AKT1: variants seen among roughly 807,000 people sequenced by gnomAD.
The protein encoded by AKT1 is AKT serine/threonine kinase 1, also known as RAC-alpha serine/threonine-protein kinase.
Under a neutral mutation model 63.1 loss-of-function variants are expected in AKT1, and 21 were observed. The observed-to-expected ratio is 0.33, with a 90% CI of 0.24 to 0.48. The LOEUF is 0.48. Ranked by LOEUF, AKT1 falls within the 20% of genes least tolerant of loss-of-function variation. AKT1 has a pLI of 0.99. For synonymous variants in AKT1, 257 were observed against 253.1 expected (o/e 1.02, Z -0.15); for missense variants, 382 against 666.0 (o/e 0.57, Z 4.69).
At chr14:104,791,944 G>A (rs1051562107) in intron 3 of AKT1, among the ~76,000 whole-genome samples, 4 of 152,352 alleles carry the variant, frequency 2.6e-5, no homozygotes, top group South Asian at 2.1e-4. Context: ...GCTGAGCAAC[G>A]GAGGGTGGGT....
chr14:104,785,850 C>T (rs1213729463), intron 3 of AKT1, among the ~76,000 whole-genome samples: 1 of 152,104 alleles, frequency 6.6e-6, no homozygotes, highest in Non-Finnish European at 1.5e-5. Flanking sequence ...CAGCCGGAGG[C>T]GCTGGGGCCT....
chr14:104,770,689 C>CCT, intron 14 of AKT1, 56 bp downstream of exon 14: 2 of 1,464,608 alleles, frequency 1.4e-6, no homozygotes, highest in Non-Finnish European at 1.9e-6. Context: ...ACACTGCAGG[C>CCT]CTCTCTGAGT....
At chr14:104,792,211 G>A (rs555084457) in intron 3 of AKT1, among the ~76,000 whole-genome samples, 1 of 152,324 alleles carries the variant, frequency 6.6e-6, no homozygotes, top group South Asian at 2.1e-4. Flanking sequence ...ACCAGGCCAA[G>A]CCAAGCAGCC....
rs532106276 is a variant in AKT1, at chr14:104,779,678, C to T, written c.175+410G>A. 1.5e-4 allele frequency among the ~76,000 whole-genome samples: 23 copies of T among 149,474 alleles called. No individual in the cohort carries two copies. In the South Asian group the frequency reaches 2.6e-3, roughly 17 times the overall value. ...CTCTGCCCAGAAACCCCTGCCCAGCCGGCCTCGGCCTCGGGACTCAGCCCA... is the reference window on the plus strand; with the variant it reads ...CTCTGCCCAGAAACCCCTGCCCAGCTGGCCTCGGCCTCGGGACTCAGCCCA... On this transcript the variant is annotated intron_variant, in intron 4 of 14. Transcript: ENST00000649815.
intron 3 of AKT1, among the ~76,000 whole-genome samples, chr14:104,789,060 C>A (rs930789543): frequency 1.3e-5 from 2 of 152,244 alleles, no homozygotes; most frequent in Admixed American, 6.5e-5. Flanking sequence ...CCCGCCCACT[C>A]GGCCTTGGCC....
At chr14:104,773,755 C>T in intron 9 of AKT1, 157 bp downstream of exon 9, 1 of 1,215,082 alleles carries the variant, frequency 8.2e-7, no homozygotes, top group Non-Finnish European at 1.2e-6. Flanking sequence ...ACAAGTCACC[C>T]CACAGCAGGC....
At chr14:104,779,207 A>G (rs1892891919) in intron 4 of AKT1, among the ~76,000 whole-genome samples, 2 of 152,138 alleles carry the variant, frequency 1.3e-5, no homozygotes, top group Non-Finnish European at 2.9e-5. Context: ...AGCAGGGCGG[A>G]GCAGGGAGCG....
chr14:104,769,466 C>T lies in AKT1; in HGVS notation c.*875G>A. On this transcript the variant is annotated 3_prime_UTR_variant, in exon 15 of 15. Transcript: ENST00000649815. ...CGCCGTGGTGCAGCGGCAGCGGCAG[C>T]GTCTGGCCAGGAGGCGTGGAGGGGC... 6.5e-6 allele frequency: 3 copies of T among 463,302 alleles called. No individual in the cohort carries two copies. Among genetic ancestry groups the T allele is most frequent in the Non-Finnish European group, 1.2e-5 (3 of 245,356 alleles). The allele number at this position is 463,302 out of a possible 1,614,324, so 28.7% of individuals were successfully genotyped here.
chr14:104,776,616 G>A (rs1340485805), intron 5 of AKT1, 43 bp downstream of exon 5: 1 of 1,569,902 alleles, frequency 6.4e-7, no homozygotes, highest in African/African-American at 1.3e-5. Context: ...CCTAAGCGCT[G>A]GGGCTGCCCA....
At chr14:104,777,497 G>A (rs970009016) in intron 4 of AKT1, 73 of 949,826 alleles carry the variant, frequency 7.7e-5, no homozygotes, top group Middle Eastern at 1.1e-3. Flanking sequence ...TGGGGCACAC[G>A]AACACCTGGG....
chr14:104,792,965 G>A lies in AKT1; in HGVS notation c.-80+162C>T, dbSNP rs939262823. On this transcript the variant is annotated intron_variant, in intron 2 of 14. Coordinates refer to ENST00000649815, the MANE Select transcript of AKT1 (RefSeq NM_001382430.1). ...AATTGAACACAGTTCCCTGGACCTG[G>A]GCCTCTCCTTATTCTAGGCTTAGAG... 7.7e-6 allele frequency: 4 copies of A among 518,272 alleles called. No homozygotes were observed. The Admixed American group carries it at 1.3e-4, about 17-fold the overall frequency. The allele number at this position is 518,272 out of a possible 1,614,324, so 32.1% of individuals were successfully genotyped here. A position where few individuals can be genotyped will look rare whatever the true frequency, so the allele number is the denominator to read the frequency against.
At chr14:104,779,503 G>A (rs1010142339) in intron 4 of AKT1, among the ~76,000 whole-genome samples, 7 of 152,208 alleles carry the variant, frequency 4.6e-5, no homozygotes, top group South Asian at 2.1e-4. Flanking sequence ...AGGGGCCCCC[G>A]GGGCAGCTGT....
At chr14:104,780,893 G>A (rs541431855) in intron 3 of AKT1, among the ~76,000 whole-genome samples, 77 of 152,356 alleles carry the variant, frequency 5.1e-4, no homozygotes, top group African/African-American at 1.4e-3. Flanking sequence ...AGCCAGACAC[G>A]GAGGTGGCCC....
chr14:104,790,072 G>A (rs947780302), intron 3 of AKT1, among the ~76,000 whole-genome samples: 6 of 152,102 alleles, frequency 3.9e-5, no homozygotes, highest in Non-Finnish European at 8.8e-5. Flanking sequence ...GGGCATACCC[G>A]TCCCCTCTCA....
intron 3 of AKT1, among the ~76,000 whole-genome samples, chr14:104,781,396 C>T (rs1566821669): frequency 6.6e-6 from 1 of 152,160 alleles, no homozygotes; most frequent in Non-Finnish European, 1.5e-5. Context: ...CCTGCTGGGT[C>T]TTCGTGGTGA....
rs200512697 is a variant in AKT1 at position 104,795,688 on chromosome 14, T to TC, written c.-463dup. 1 allele frequency: 146,534 copies of TC among 146,548 alleles called. 73,260 individuals are homozygous for TC. The highest frequency in any genetic ancestry group is 1 in the Middle Eastern group (282 of 282). 9.1% of individuals were successfully genotyped at this position (146,548 alleles called of 1,614,324 possible). A position where few individuals can be genotyped will look rare whatever the true frequency, so the allele number is the denominator to read the frequency against. On this transcript the variant is annotated 5_prime_UTR_variant, in exon 1 of 15. Transcript: ENST00000649815. The surrounding 1 kb of genome is among the most constrained non-coding windows in gnomAD (Gnocchi z 5.1). ...CTCGGTGCTCGGCCGCCTGCTCCCGTCTTCGGGCCGCGCTGCGTGCGCTGG... is the reference window on the plus strand; with the variant it reads ...CTCGGTGCTCGGCCGCCTGCTCCCGTCCTTCGGGCCGCGCTGCGTGCGCTGG...
rs894811595 is a variant in AKT1, at chr14:104,789,911, C to T, written c.46+2687G>A. On this transcript the variant is annotated intron_variant, in intron 3 of 14. Transcript: ENST00000649815. ...GCCGGAACTCCTGTGTCCCCATGCC[C>T]GGTCCCTTCTGTCCCTGAAGCTCCT... 1.2e-4 allele frequency among the ~76,000 whole-genome samples: 18 copies of T among 152,332 alleles called. 1 individual carries two copies. Among genetic ancestry groups the T allele is most frequent in the East Asian group, 9.6e-4 (5 of 5,188 alleles).
chr14:104,770,397 T>C lies in AKT1; in HGVS notation c.1387A>G (p.Ser463Gly). 3 of 1,612,566 alleles carry C rather than the reference T, an allele frequency of 1.9e-6. No individual in the cohort carries two copies. Among genetic ancestry groups the C allele is most frequent in the Non-Finnish European group, 1.7e-6 (2 of 1,179,890 alleles). Residue 463 changes from serine to glycine, a missense_variant, in exon 15 of 15, where the codon AGC becomes GGC. By Grantham distance (56) the Ser-to-Gly change is moderately conservative. This residue lies in a region of AKT1 where 90 missense variants were observed against 120.5 expected (regional missense o/e 0.75). Coordinates refer to ENST00000649815, the MANE Select transcript of AKT1 (RefSeq NM_001382430.1). ...TGGGGGAAGTGGGGCCTGCGCTCGC[T>C]GTCCACACACTCCATGCTGTCATCT... is the stretch of plus-strand genomic sequence containing the variant. Reference protein sequence around the residue: ...DQDDSMECVDSERRPHFPQFS... With the variant: ...DQDDSMECVDGERRPHFPQFS...
intron 8 of AKT1, 38 bp from the exon 9 acceptor site, chr14:104,774,018 C>T: frequency 6.3e-7 from 1 of 1,593,806 alleles, no homozygotes; most frequent in Non-Finnish European, 8.6e-7. Context: ...GCCCCACAGG[C>T]AGGACGGCAG....
Sources: gnomAD v4.1 joint callset for allele counts (sites outside exome capture counted in the v4.1 genomes callset) on GRCh38, gnomAD v4.1.1 for gene constraint, gnomAD v4.1.1 regional missense constraint, Gnocchi (gnomAD v3.1) non-coding constraint, MANE v1.5 for transcripts, NCBI Gene and HGNC (gene_info 2026-07-23, HGNC 2026-07-21) for gene names.